The following RYR3 variants were observed in gnomAD, a reference collection of about 807,000 sequenced individuals.
RYR3 encodes ryanodine receptor 3, also known as brain ryanodine receptor-calcium release channel.
Under a neutral mutation model 584.3 loss-of-function variants are expected in RYR3, and 207 were observed. The ratio of observed to expected loss-of-function variants is 0.35; its 90% confidence interval spans 0.32 to 0.40. The LOEUF (loss-of-function observed/expected upper bound fraction) is 0.40, where lower values mean the gene tolerates loss of function less well. RYR3 is among the 10% of genes least tolerant of loss of function. RYR3 has a pLI of 1.00. For synonymous variants in RYR3, 2,416 were observed against 2,248.5 expected (o/e 1.07, Z -2.11); for missense variants, 5,616 against 6,089.2 (o/e 0.92, Z 2.59).
At position 33,503,728 on chromosome 15, in the gene RYR3, G is replaced by A; in HGVS notation, c.269G>A (p.Gly90Asp). 6.2e-7 allele frequency: 1 copy of A among 1,608,732 alleles called. No individual in the cohort carries two copies. The highest frequency in any genetic ancestry group is 8.5e-7 in the Non-Finnish European group (1 of 1,176,882). ...QEMLANTGEN[G>D]GEGAAQGGGH... ...ATGCTTGCCAACACAGGTGAAAATG[G>A]CGGCGAAGGGGTGAGTACCCGAATT... Residue 90 changes from glycine to aspartate, a missense_variant, in exon 3 of 104, where the codon GGC becomes GAC. Physicochemically the swap from Gly to Asp is moderately conservative, Grantham distance 94. Transcript: ENST00000634891.
Position 33,840,863 on chromosome 15 carries a change from A to C in RYR3, c.13017A>C (p.Lys4339Asn), listed in dbSNP as rs1456531003. ...AAGCAGCAAATGAAGCAGAAGGAAAAGTAGAATCCGAGAAGGCAGAGTAAG... is the reference window on the plus strand; with the variant it reads ...AAGCAGCAAATGAAGCAGAAGGAAACGTAGAATCCGAGAAGGCAGAGTAAG... ...EMKAANEAEG[K>N]VESEKADMED... Residue 4339 changes from lysine (K) to asparagine (N), a missense_variant, in exon 90 of 104, where the codon AAA (lysine) becomes AAC (asparagine). Coordinates refer to ENST00000634891, the MANE Select transcript of RYR3 (RefSeq NM_001036.6). The C allele has an allele frequency of 1.2e-6, 2 of 1,613,954 alleles. No homozygotes were observed. The highest frequency in any genetic ancestry group is 3.3e-5 in the Admixed American group (2 of 60,022).
At chr15:33,355,934 G>A (rs1346454024) in intron 1 of RYR3, among the ~76,000 whole-genome samples, 1 of 152,146 alleles carries the variant, frequency 6.6e-6, no homozygotes, top group Non-Finnish European at 1.5e-5. Context: ...AACTTGTTAA[G>A]TGCCTGCTTC....
In RYR3 at chr15:33,837,996, C is replaced by A; in HGVS notation, c.12016C>A (p.Pro4006Thr). 2 of 1,613,952 alleles carry A rather than the reference C, an allele frequency of 1.2e-6. No homozygotes were observed. The highest frequency in any genetic ancestry group is 1.7e-6 in the Non-Finnish European group (2 of 1,179,892). The change falls in exon 89 of 104, where the codon CCA becomes ACA. Residue 4006 changes from proline to threonine, a missense_variant. By Grantham distance (38) the Pro-to-Thr change is conservative. Around this residue, in one of 9 missense-constraint regions of RYR3, gnomAD observed 258 missense variants for 297.3 expected, o/e 0.87. Transcript: ENST00000634891. ...VLLTNLSEHMPNDSRLKCLLD... is the reference protein window; with the variant it reads ...VLLTNLSEHMTNDSRLKCLLD... ...ATTGACAAATCTTTCTGAACACATG[C>A]CAAACGATTCCCGCCTGAAGTGTCT...
intron 59 of RYR3, 77 bp downstream of exon 59, chr15:33,756,450 A>G (rs906422345): frequency 2.5e-5 from 26 of 1,037,990 alleles, no homozygotes; most frequent in Non-Finnish European, 3.6e-5. Context: ...AAGTGGATCC[A>G]GTGAAGATAT....
In RYR3 at chr15:33,394,206, G is replaced by A. The variant is rs147537926; in HGVS notation, c.52-79213G>A. Among the ~76,000 whole-genome samples, 165 of 152,340 alleles carry A rather than the reference G, an allele frequency of 1.1e-3. 1 individual carries two copies. Among genetic ancestry groups the A allele is most frequent in the African/African-American group, 3.7e-3 (155 of 41,586 alleles). ...AACACTGCTTGGCAGTAACTCCCAC[G>A]CGGAGTAAAATGGTCCTTTGTAGTG... On this transcript the variant is annotated intron_variant, in intron 1 of 103. Coordinates refer to ENST00000634891, the MANE Select transcript of RYR3 (RefSeq NM_001036.6).
intron 74 of RYR3, 96 bp from the exon 75 acceptor site, chr15:33,816,766 C>A: frequency 1.4e-6 from 1 of 720,300 alleles, no homozygotes; most frequent in Non-Finnish European, 2.3e-6. Flanking sequence ...AAGAATTGTA[C>A]AAAAGTCTGT....
chr15:33,473,893 G>A (rs970682611), intron 2 of RYR3, among the ~76,000 whole-genome samples: 8 of 152,106 alleles, frequency 5.3e-5, no homozygotes, highest in Admixed American at 3.3e-4. Context: ...TTTACTCCCT[G>A]CTGTTGTTCT....
chr15:33,773,734 A>T (rs2073791959), intron 64 of RYR3, 119 bp downstream of exon 64: 1 of 718,654 alleles, frequency 1.4e-6, no homozygotes. Context: ...CTGATACAGA[A>T]TGGTGGTTTT....
chr15:33,707,317 G>A (rs2066788172), intron 43 of RYR3, among the ~76,000 whole-genome samples: 1 of 152,086 alleles, frequency 6.6e-6, no homozygotes. Context: ...TCACCGCAGA[G>A]AGGTCATCTC....
At chr15:33,347,148 T>C (rs1972559790) in intron 1 of RYR3, among the ~76,000 whole-genome samples, 1 of 152,162 alleles carries the variant, frequency 6.6e-6, no homozygotes. Context: ...ACTTGTTGGC[T>C]TTCTCCACAG....
rs114366823 is a variant in RYR3 at position 33,844,864 on chromosome 15, C to A, written c.13299C>A (p.Val4433=). ...AGCGAGTGTGTATTTTGAGCCAGGT[C>A]ACTGAAGAACCTTTAGAAGAAGAGA... ...AINFILLFYK[V]TEEPLEEETE... is the part of the protein sequence containing the mutation. Residue 4433 remains valine, a splice_region_variant and synonymous_variant, in exon 93 of 104, where the codon GTC becomes GTA. Transcript: ENST00000634891. The A allele has an allele frequency of 1.2e-6, 2 of 1,611,820 alleles. No individual in the cohort carries two copies. Among genetic ancestry groups the A allele is most frequent in the African/African-American group, 1.3e-5 (1 of 74,934 alleles).
intron 67 of RYR3, among the ~76,000 whole-genome samples, chr15:33,791,052 T>C (rs1334696972): frequency 9.2e-5 from 14 of 152,152 alleles, no homozygotes; most frequent in Admixed American, 9.2e-4. Flanking sequence ...AAAGCCTCTT[T>C]GGAATGGGTT....
Position 33,857,800 on chromosome 15 carries a change from C to T in RYR3, c.14028C>T (p.Leu4676=), listed in dbSNP as rs374667875. The T allele has an allele frequency of 1.5e-5, 24 of 1,613,982 alleles. No individual in the cohort carries two copies. In the Middle Eastern group the frequency reaches 4.9e-4, roughly 33 times the overall value. Residue 4676 remains leucine (L), a synonymous_variant, in exon 99 of 104, where the codon CTC becomes CTT. Coordinates refer to ENST00000634891, the MANE Select transcript of RYR3 (RefSeq NM_001036.6). ...NGKQLVLTVG[L]LAVVVYLYTV... Reference sequence around the variant, plus strand: ...CCCAGTTGGTTCTGACTGTCGGTCTCCTGGCCGTGGTGGTTTATCTCTATA... The same window carrying T: ...CCCAGTTGGTTCTGACTGTCGGTCTTCTGGCCGTGGTGGTTTATCTCTATA...
chr15:33,533,808 A>G (rs984416805), intron 5 of RYR3, among the ~76,000 whole-genome samples: 1 of 152,198 alleles, frequency 6.6e-6, no homozygotes, highest in Admixed American at 6.5e-5. Context: ...AGCTATGTCT[A>G]AAGTAGTGTT....
chr15:33,757,460 T>C lies in RYR3; in HGVS notation c.8584-15T>C, dbSNP rs920284096. 3 of 1,598,386 alleles carry C rather than the reference T, an allele frequency of 1.9e-6. No individual in the cohort carries two copies. Among genetic ancestry groups the C allele is most frequent in the Admixed American group, 3.5e-5 (2 of 57,774 alleles). ...GGATAGCTTCCTAGAAGTTGATTTC[T>C]GGTGCGTTTCCCAGGTTCTCCTCCC... On this transcript the variant is annotated splice_polypyrimidine_tract_variant and intron_variant, in intron 59 of 103. Transcript: ENST00000634891.
At chr15:33,359,525 T>C (rs1974450696) in intron 1 of RYR3, among the ~76,000 whole-genome samples, 1 of 152,216 alleles carries the variant, frequency 6.6e-6, no homozygotes, top group South Asian at 2.1e-4. Flanking sequence ...TCACATCCTC[T>C]CTCAGCCTTT....
Position 33,745,048 on chromosome 15 carries a change from G to A in RYR3, c.7900-1020G>A, listed in dbSNP as rs564811981. ...AGTAACCCCAGTGAGAGCTAATGGT[G>A]GCCTGAACTAACATACTAGCAGGGA... On this transcript the variant is annotated intron_variant, in intron 52 of 103. Transcript: ENST00000634891. Among the ~76,000 whole-genome samples, 4 of 152,230 alleles carry A rather than the reference G, an allele frequency of 2.6e-5. No individual in the cohort carries two copies. In the East Asian group the frequency reaches 5.8e-4, roughly 22 times the overall value.
intron 2 of RYR3, 141 bp downstream of exon 2, chr15:33,473,679 T>C: frequency 1.2e-6 from 1 of 863,104 alleles, no homozygotes; most frequent in Admixed American, 2.7e-5. Flanking sequence ...CAGATCTGGT[T>C]TAAACCATAA....
rs753091392 is a variant in RYR3 at position 33,706,976 on chromosome 15, G to A, written c.6541G>A (p.Gly2181Arg). 2 of 1,613,450 alleles carry A rather than the reference G, an allele frequency of 1.2e-6. No homozygotes were observed. The highest frequency in any genetic ancestry group is 2.2e-5 in the South Asian group (2 of 90,794). The change falls in exon 43 of 104, where the codon GGA (glycine) becomes AGA (arginine). Residue 2181 changes from glycine (G) to arginine (R), a missense_variant. Around this residue, in one of 9 missense-constraint regions of RYR3, gnomAD observed 1,280 missense variants for 1,426.2 expected, o/e 0.90. Coordinates refer to ENST00000634891, the MANE Select transcript of RYR3 (RefSeq NM_001036.6). ...LQSCPMLLAK[G>R]YPDVGWNPIE... ...GAGCTGCCCCATGCTTCTGGCCAAA[G>A]GATACCCTGATGTCGGCTGGAACCC... is the stretch of plus-strand genomic sequence containing the variant.
Sources: gnomAD v4.1 joint callset for allele counts (sites outside exome capture counted in the v4.1 genomes callset) on GRCh38, gnomAD v4.1.1 for gene constraint, gnomAD v4.1.1 regional missense constraint, MANE v1.5 for transcripts, NCBI Gene and HGNC (gene_info 2026-07-23, HGNC 2026-07-21) for gene names.